Variants in TRUB1 observed in about 807,000 individuals in gnomAD.
TRUB1 encodes pseudouridylate synthase TRUB1.
Under a neutral mutation model 33.9 loss-of-function variants are expected in TRUB1, and 23 were observed. The observed-to-expected ratio is 0.68, with a 90% CI of 0.49 to 0.96. TRUB1 has a LOEUF of 0.96. Among genes scored for constraint, TRUB1 ranks in the 40% least tolerant of loss-of-function variants. The probability of loss-of-function intolerance (pLI) is 0.00; values close to 1 mark genes in which losing one functional copy is unlikely to be tolerated. For synonymous variants in TRUB1, 163 were observed against 165.4 expected (o/e 0.99, Z 0.11); for missense variants, 378 against 422.2 (o/e 0.90, Z 0.92).
At chr10:114,953,214 G>A (rs552991430) in intron 3 of TRUB1, among the ~76,000 whole-genome samples, 1 of 152,240 alleles carries the variant, frequency 6.6e-6, no homozygotes, top group South Asian at 2.1e-4. Context: ...CCAATTTGCT[G>A]TTCAGCTACG....
At chr10:114,961,523 C>G (rs1199149995) in intron 4 of TRUB1, among the ~76,000 whole-genome samples, 1 of 152,108 alleles carries the variant, frequency 6.6e-6, no homozygotes, top group Non-Finnish European at 1.5e-5. Context: ...TTAAAAAGCT[C>G]TATGCTGTAT....
intron 3 of TRUB1, among the ~76,000 whole-genome samples, chr10:114,957,698 A>G (rs2084267516): frequency 6.6e-6 from 1 of 152,196 alleles, no homozygotes; most frequent in Non-Finnish European, 1.5e-5. Context: ...ACAAAACACC[A>G]AGAGTCCAGA....
chr10:114,962,658 A>G lies in TRUB1; in HGVS notation c.523+2851A>G, dbSNP rs574759549. On this transcript the variant is annotated intron_variant, in intron 4 of 7. Coordinates refer to ENST00000298746, the MANE Select transcript of TRUB1 (RefSeq NM_139169.5). Reference sequence around the variant, plus strand: ...AGTGGGTGGAGACCAGGGATGACAGATGTCCTGTAACACAGAGGATCGTAG... The same window carrying G: ...AGTGGGTGGAGACCAGGGATGACAGGTGTCCTGTAACACAGAGGATCGTAG... Among the ~76,000 whole-genome samples the G allele has an allele frequency of 3.2e-4, 48 of 152,282 alleles. 1 individual carries two copies. The highest frequency in any genetic ancestry group is 6.8e-3 in the Middle Eastern group (2 of 294).
intron 4 of TRUB1, among the ~76,000 whole-genome samples, chr10:114,966,801 T>A (rs1474828820): frequency 6.6e-6 from 1 of 152,200 alleles, no homozygotes; most frequent in Admixed American, 6.5e-5. Context: ...GATCTTGTGT[T>A]TTTCAACCTT....
intron 4 of TRUB1, among the ~76,000 whole-genome samples, chr10:114,962,910 C>T (rs935487105): frequency 3.3e-5 from 5 of 152,130 alleles, no homozygotes; most frequent in Non-Finnish European, 5.9e-5. Flanking sequence ...GCAGATAAGC[C>T]GGGAAAGGCA....
At chr10:114,948,493 C>G (rs1303574287) in intron 2 of TRUB1, among the ~76,000 whole-genome samples, 1 of 152,106 alleles carries the variant, frequency 6.6e-6, no homozygotes, top group Non-Finnish European at 1.5e-5. Context: ...GTACTGGATA[C>G]AATTTTGAAT....
chr10:114,964,649 A>ATTG (rs1349834750), intron 4 of TRUB1, among the ~76,000 whole-genome samples: 2 of 152,050 alleles, frequency 1.3e-5, no homozygotes, highest in African/African-American at 4.8e-5. Context: ...AGAAGCTGTT[A>ATTG]TTGCTTTGCC....
At chr10:114,965,517 A>G (rs1021424924) in intron 4 of TRUB1, among the ~76,000 whole-genome samples, 1 of 152,008 alleles carries the variant, frequency 6.6e-6, no homozygotes, top group African/African-American at 2.4e-5. Flanking sequence ...ATTGCCCTGT[A>G]TTTTTCTTTC....
Position 114,946,748 on chromosome 10 carries a change from T to C in TRUB1, c.385+4005T>C, listed in dbSNP as rs10047273. 3.3e-3 allele frequency among the ~76,000 whole-genome samples: 503 copies of C among 152,186 alleles called. 2 individuals carry two copies. The highest frequency in any genetic ancestry group is 6.2e-3 in the Non-Finnish European group (423 of 68,016). On this transcript the variant is annotated intron_variant, in intron 2 of 7. Coordinates refer to ENST00000298746, the MANE Select transcript of TRUB1 (RefSeq NM_139169.5). ...ACATTTTTTTTTGCAATATTAATGG[T>C]GCAGATTAAGAATTTAGCTGACAAT...
intron 5 of TRUB1, among the ~76,000 whole-genome samples, chr10:114,970,944 T>G (rs2084334221): frequency 6.6e-6 from 1 of 152,250 alleles, no homozygotes; most frequent in South Asian, 2.1e-4. Flanking sequence ...ATTGCTTTAC[T>G]GCTTGTCTTA....
Position 114,977,134 on chromosome 10 carries a change from T to C in TRUB1, c.*1755T>C, listed in dbSNP as rs1173758196. Reference sequence around the variant, plus strand: ...ATTGTTGACCATTTTTAAAAAACGATAGCCACTCTTTTTCTTTTATGTTTA... The same window carrying C: ...ATTGTTGACCATTTTTAAAAAACGACAGCCACTCTTTTTCTTTTATGTTTA... On this transcript the variant is annotated 3_prime_UTR_variant, in exon 8 of 8. Transcript: ENST00000298746. 1 of 152,164 alleles carries C rather than the reference T, an allele frequency of 6.6e-6. No homozygotes were observed. The highest frequency in any genetic ancestry group is 1.9e-4 in the East Asian group (1 of 5,196). The allele number at this position is 152,164 out of a possible 1,614,324, so 9.4% of individuals were successfully genotyped here. A position where few individuals can be genotyped will look rare whatever the true frequency, so the allele number is the denominator to read the frequency against.
At chr10:114,956,435 T>C (rs1054364095) in intron 3 of TRUB1, among the ~76,000 whole-genome samples, 4 of 152,234 alleles carry the variant, frequency 2.6e-5, no homozygotes, top group African/African-American at 9.6e-5. Context: ...TTTTTTCTTC[T>C]ATCCCAATAT....
At chr10:114,953,205 C>G (rs1201639651) in intron 3 of TRUB1, among the ~76,000 whole-genome samples, 1 of 152,026 alleles carries the variant, frequency 6.6e-6, no homozygotes, top group East Asian at 1.9e-4. Context: ...TTGTAACAGC[C>G]AATTTGCTGT....
intron 2 of TRUB1, among the ~76,000 whole-genome samples, chr10:114,944,222 A>G (rs551693215): frequency 3.0e-4 from 45 of 152,028 alleles, no homozygotes; most frequent in Non-Finnish European, 5.9e-4. Context: ...ATGCTCTGGT[A>G]TTTTATATTT....
chr10:114,975,850 CTCTT>C lies in TRUB1; in HGVS notation c.*476_*479del, dbSNP rs1424549562. ...ATTGTTTAAAGTGGCCATTATTGAT[CTCTT>C]TCTTCTGTTTTGGAGAGTTTATTAT... On this transcript the variant is annotated 3_prime_UTR_variant, in exon 8 of 8. Coordinates refer to ENST00000298746, the MANE Select transcript of TRUB1 (RefSeq NM_139169.5). 3.3e-5 allele frequency: 5 copies of C among 152,028 alleles called. No individual in the cohort carries two copies. Among genetic ancestry groups the C allele is most frequent in the African/African-American group, 1.2e-4 (5 of 41,388 alleles). 9.4% of individuals were successfully genotyped at this position (152,028 alleles called of 1,614,324 possible). A position where few individuals can be genotyped will look rare whatever the true frequency, so the allele number is the denominator to read the frequency against.
chr10:114,941,118 C>T (rs2084184671), intron 1 of TRUB1, among the ~76,000 whole-genome samples: 1 of 152,096 alleles, frequency 6.6e-6, no homozygotes. Context: ...TTTCTTTCTG[C>T]TCAGTGTCAG....
intron 4 of TRUB1, among the ~76,000 whole-genome samples, chr10:114,968,415 C>A (rs1399638789): frequency 6.6e-6 from 1 of 152,168 alleles, no homozygotes; most frequent in East Asian, 1.9e-4. Flanking sequence ...TTAACTATTG[C>A]AATTTTATCA....
chr10:114,972,087 A>G (rs374526843), intron 5 of TRUB1, 48 bp from the exon 6 acceptor site: 1 of 1,603,040 alleles, frequency 6.2e-7, no homozygotes, highest in Non-Finnish European at 8.5e-7. Context: ...AATCCCTCTC[A>G]ATTCTTGCTC....
chr10:114,965,189 A>C (rs2084301991), intron 4 of TRUB1, among the ~76,000 whole-genome samples: 1 of 151,950 alleles, frequency 6.6e-6, no homozygotes, highest in Admixed American at 6.6e-5. Context: ...TCAGCCTCCC[A>C]AAGTGCTGAG....
Sources: allele counts gnomAD v4.1 joint callset (sites outside exome capture counted in the v4.1 genomes callset), GRCh38; gene constraint gnomAD v4.1.1; transcripts MANE v1.5; gene names NCBI Gene and HGNC (gene_info 2026-07-23, HGNC 2026-07-21).